The following CTNNA3 variants were observed in gnomAD, a reference collection of about 807,000 sequenced individuals.
CTNNA3 encodes the protein catenin alpha-3.
In CTNNA3, 76 loss-of-function variants were observed where a neutral mutation model predicts 95.7. The observed-to-expected ratio is 0.79, with a 90% CI of 0.66 to 0.96. The LOEUF is 0.96. Ranked by LOEUF, CTNNA3 falls within the 40% of genes least tolerant of loss-of-function variation. The pLI, the probability that CTNNA3 is intolerant of heterozygous loss-of-function variation, is 0.00. For synonymous variants in CTNNA3, 431 were observed against 374.4 expected (o/e 1.15, Z -1.74); for missense variants, 1,191 against 1,089.8 (o/e 1.09, Z -1.31).
At chr10:66,216,549 T>C (rs2088551692) in intron 13 of CTNNA3, among the ~76,000 whole-genome samples, 1 of 152,224 alleles carries the variant, frequency 6.6e-6, no homozygotes, top group South Asian at 2.1e-4. Context: ...GTTTTGTTTT[T>C]ACTACCAAGC....
chr10:66,300,848 T>C (rs550817091), intron 12 of CTNNA3, among the ~76,000 whole-genome samples: 1 of 151,798 alleles, frequency 6.6e-6, no homozygotes, highest in Non-Finnish European at 1.5e-5. Context: ...TCAATGAATT[T>C]GGAAGCAGAA....
intron 7 of CTNNA3, among the ~76,000 whole-genome samples, chr10:67,162,145 T>C (rs889077527): frequency 2.0e-5 from 3 of 151,988 alleles, no homozygotes; most frequent in Non-Finnish European, 4.4e-5. Context: ...AGCTAGGATA[T>C]AGAAAAATTC....
chr10:66,954,010 A>G (rs906423317), intron 7 of CTNNA3, among the ~76,000 whole-genome samples: 1 of 152,208 alleles, frequency 6.6e-6, no homozygotes, highest in South Asian at 2.1e-4. Flanking sequence ...AAGCTGGTGC[A>G]TAGTAAGTGC....
intron 3 of CTNNA3, among the ~76,000 whole-genome samples, chr10:67,541,464 T>C (rs1456845090): frequency 6.6e-6 from 1 of 151,990 alleles, no homozygotes; most frequent in Non-Finnish European, 1.5e-5. Context: ...CTCATTTAGA[T>C]CTCTTTAGCA....
Position 66,241,630 on chromosome 10 carries a change from C to A in CTNNA3, c.1884+38840G>T, listed in dbSNP as rs993326311. 2.2e-4 allele frequency among the ~76,000 whole-genome samples: 33 copies of A among 148,192 alleles called. 1 individual carries two copies. Among genetic ancestry groups the A allele is most frequent in the African/African-American group, 7.7e-4 (31 of 40,236 alleles). On this transcript the variant is annotated intron_variant, in intron 13 of 17. Coordinates refer to ENST00000433211, the MANE Select transcript of CTNNA3 (RefSeq NM_013266.4). ...CCAGAAAAGAACAATTAAACATCCC[C>A]CCACCCCCAGCCCCCCCACCTCCTC...
chr10:66,043,151 AAAAG>A lies in CTNNA3; in HGVS notation c.2159+26153_2159+26156del, dbSNP rs1343747206. On this transcript the variant is annotated intron_variant, in intron 15 of 17. Coordinates refer to ENST00000433211, the MANE Select transcript of CTNNA3 (RefSeq NM_013266.4). ...CGGGTAATGAAAAAAAAAAAAAAAA[AAAAG>A]AGAGAGAGAGAAGAGAAATCTCAGA... Among the ~76,000 whole-genome samples the A allele has an allele frequency of 1.6e-3, 225 of 144,104 alleles. 1 individual carries two copies. Among genetic ancestry groups the A allele is most frequent in the African/African-American group, 5.1e-3 (199 of 39,128 alleles). The allele number at this position is 144,104 out of a possible 152,430, so 94.5% of individuals were successfully genotyped here.
intron 13 of CTNNA3, among the ~76,000 whole-genome samples, chr10:66,196,564 C>T (rs1196792520): frequency 6.6e-6 from 1 of 152,196 alleles, no homozygotes; most frequent in Non-Finnish European, 1.5e-5. Flanking sequence ...TACTGATTCA[C>T]ATTAGGATTA....
At chr10:67,125,753 G>A (rs1859694201) in intron 7 of CTNNA3, among the ~76,000 whole-genome samples, 1 of 152,202 alleles carries the variant, frequency 6.6e-6, no homozygotes, top group Admixed American at 6.5e-5. Flanking sequence ...TGGACAGAGT[G>A]TGAAATGGGA....
intron 9 of CTNNA3, among the ~76,000 whole-genome samples, chr10:66,632,821 T>C (rs1845193164): frequency 6.6e-6 from 1 of 151,978 alleles, no homozygotes; most frequent in African/African-American, 2.4e-5. Context: ...TAATAAAAAT[T>C]ATTATCCACA....
chr10:66,917,357 G>T (rs1846545198), intron 7 of CTNNA3, among the ~76,000 whole-genome samples: 1 of 152,158 alleles, frequency 6.6e-6, no homozygotes, highest in African/African-American at 2.4e-5. Flanking sequence ...GTTCAACTGG[G>T]AATGGCCACA....
chr10:67,255,704 A>G (rs577868641), intron 5 of CTNNA3, among the ~76,000 whole-genome samples: 41 of 152,334 alleles, frequency 2.7e-4, no homozygotes, highest in Non-Finnish European at 5.4e-4. Flanking sequence ...TCCAGAGCCC[A>G]TGTGTGTAAC....
At chr10:67,041,519 C>G (rs570610811) in intron 7 of CTNNA3, among the ~76,000 whole-genome samples, 11 of 152,188 alleles carry the variant, frequency 7.2e-5, no homozygotes, top group African/African-American at 2.6e-4. Flanking sequence ...TTTCTCCTTT[C>G]ATGAAATAGT....
intron 5 of CTNNA3, among the ~76,000 whole-genome samples, chr10:67,324,713 T>C (rs1841470734): frequency 6.6e-6 from 1 of 151,974 alleles, no homozygotes; most frequent in East Asian, 1.9e-4. Context: ...TTTTTTTTTT[T>C]TGTCTTGCCA....
chr10:67,530,818 G>T (rs1030727384), intron 4 of CTNNA3, among the ~76,000 whole-genome samples: 1 of 152,186 alleles, frequency 6.6e-6, no homozygotes, highest in Non-Finnish European at 1.5e-5. Flanking sequence ...AGCCTAAGAG[G>T]AAAAAGCAGT....
intron 5 of CTNNA3, among the ~76,000 whole-genome samples, chr10:67,245,598 G>A (rs981106824): frequency 6.6e-6 from 1 of 152,116 alleles, no homozygotes; most frequent in Non-Finnish European, 1.5e-5. Flanking sequence ...AGTGGCTCAC[G>A]CCTGTAATCC....
At chr10:67,110,933 C>T (rs540948352) in intron 7 of CTNNA3, among the ~76,000 whole-genome samples, 5 of 152,054 alleles carry the variant, frequency 3.3e-5, no homozygotes, top group Admixed American at 2.0e-4. Context: ...AATAAGTTTT[C>T]GTTCCTTTGA....
chr10:67,172,424 C>T (rs1054072748), intron 7 of CTNNA3, among the ~76,000 whole-genome samples: 3 of 152,132 alleles, frequency 2.0e-5, no homozygotes, highest in African/African-American at 7.2e-5. Flanking sequence ...TTAAATTTTA[C>T]AGTTTAGCTA....
intron 7 of CTNNA3, among the ~76,000 whole-genome samples, chr10:67,047,040 G>A (rs17280088): frequency 0.055 from 8,357 of 152,248 alleles, 332 homozygotes; most frequent in South Asian, 0.19. Flanking sequence ...GGGTCCAGGA[G>A]CACTGCCTGT....
rs189887665 is a variant in CTNNA3, at chr10:67,646,226, A to C, written c.99+1189T>G. Among the ~76,000 whole-genome samples, 290 of 147,872 alleles carry C rather than the reference A, an allele frequency of 2.0e-3. 1 individual carries two copies. Among genetic ancestry groups the C allele is most frequent in the Middle Eastern group, 3.5e-3 (1 of 284 alleles). On this transcript the variant is annotated intron_variant, in intron 2 of 17. Coordinates refer to ENST00000433211, the MANE Select transcript of CTNNA3 (RefSeq NM_013266.4). ...TAAACAGGGTCTCACTATGTTGCCC[A>C]GGCTGGTCTTTAACTCCTGGACTTA...
Sources: allele counts gnomAD v4.1 joint callset (sites outside exome capture counted in the v4.1 genomes callset), GRCh38; gene constraint gnomAD v4.1.1; transcripts MANE v1.5; gene names NCBI Gene and HGNC (gene_info 2026-07-23, HGNC 2026-07-21).